Variants in RALGPS1 observed in about 807,000 individuals in gnomAD.
The protein encoded by RALGPS1 is Ral GEF with PH domain and SH3 binding motif 1, also known as ras-specific guanine nucleotide-releasing factor RalGPS1.
In RALGPS1, 19 loss-of-function variants were observed where a neutral mutation model predicts 78.8. The observed-to-expected ratio is 0.24, with a 90% CI of 0.17 to 0.35. The LOEUF (loss-of-function observed/expected upper bound fraction) is 0.35, where lower values mean the gene tolerates loss of function less well. Among genes scored for constraint, RALGPS1 ranks in the 10% least tolerant of loss-of-function variants. The pLI is 1.00. For missense variants in RALGPS1, 454 were observed against 688.3 expected, an observed-to-expected ratio of 0.66 and a Z score of 3.81; for synonymous variants, 228 against 256.3, an observed-to-expected ratio of 0.89 and a Z score of 1.06.
At chr9:127,081,875 A>C (rs2051208043) in intron 8 of RALGPS1, among the ~76,000 whole-genome samples, 1 of 152,252 alleles carries the variant, frequency 6.6e-6, no homozygotes, top group Admixed American at 6.5e-5. Flanking sequence ...CGCATGTGGC[A>C]GCGCTGTGGG....
chr9:127,023,929 C>G (rs541053222), intron 4 of RALGPS1, among the ~76,000 whole-genome samples: 1 of 150,256 alleles, frequency 6.7e-6, no homozygotes, highest in Non-Finnish European at 1.5e-5. Flanking sequence ...CCCAGCTACT[C>G]GGGAAGCTGA....
chr9:127,183,741 A>G lies in RALGPS1; in HGVS notation c.910+8959A>G. 1 of 804,840 alleles carries G rather than the reference A, an allele frequency of 1.2e-6. No individual in the cohort carries two copies. Among genetic ancestry groups the G allele is most frequent in the South Asian group, 1.8e-5 (1 of 55,302 alleles). 49.9% of individuals were successfully genotyped at this position (804,840 alleles called of 1,614,324 possible). A position where few individuals can be genotyped will look rare whatever the true frequency, so the allele number is the denominator to read the frequency against. ...TCCATGTGCTCCTCTCTCTGGAAAC[A>G]TACTCTCTCTGCCCGTTTATATTTT... On this transcript the variant is annotated intron_variant, in intron 11 of 18. Transcript: ENST00000259351. This position sits in a 1 kb window ranked among gnomAD's most constrained non-coding sequence, Gnocchi z 4.0.
intron 14 of RALGPS1, chr9:127,210,588 C>T (rs1371168976): frequency 9.8e-6 from 8 of 813,200 alleles, no homozygotes; most frequent in African/African-American, 5.1e-5. Context: ...GGTTGCTCTG[C>T]GGGACTTCCT....
chr9:127,112,978 G>A (rs1424805612), intron 8 of RALGPS1, among the ~76,000 whole-genome samples: 1 of 152,158 alleles, frequency 6.6e-6, no homozygotes, highest in Non-Finnish European at 1.5e-5. Context: ...AAGGTGTAGG[G>A]GTAGCTGACT....
At chr9:126,962,954 G>A (rs2039047821) in intron 2 of RALGPS1, among the ~76,000 whole-genome samples, 1 of 152,330 alleles carries the variant, frequency 6.6e-6, no homozygotes, top group South Asian at 2.1e-4. Context: ...GAGCCCACAA[G>A]GCCCTCCTCA....
intron 3 of RALGPS1, among the ~76,000 whole-genome samples, chr9:126,970,902 T>C (rs1338255583): frequency 1.3e-5 from 2 of 152,176 alleles, no homozygotes; most frequent in Non-Finnish European, 2.9e-5. Context: ...AACCTGTAAC[T>C]GTTTATTTTT....
At chr9:127,082,139 C>T (rs551667160) in intron 8 of RALGPS1, among the ~76,000 whole-genome samples, 93 of 152,308 alleles carry the variant, frequency 6.1e-4, no homozygotes, top group African/African-American at 2.1e-3. Flanking sequence ...ACTACTGGAA[C>T]CCAGTTACCA....
chr9:127,050,303 T>C (rs2048185470), intron 6 of RALGPS1, among the ~76,000 whole-genome samples, 171 bp downstream of exon 6: 1 of 152,206 alleles, frequency 6.6e-6, no homozygotes, highest in African/African-American at 2.4e-5. Flanking sequence ...CTGTTAGACC[T>C]GCCTGGGTGC....
chr9:127,100,180 AAATT>A (rs1325687127), intron 8 of RALGPS1, among the ~76,000 whole-genome samples: 4 of 152,228 alleles, frequency 2.6e-5, no homozygotes, highest in Non-Finnish European at 5.9e-5. Context: ...ATCCAACCAT[AAATT>A]AATTGAGTTA....
At chr9:127,196,323 A>G (rs1251763003) in intron 12 of RALGPS1, 151 bp from the exon 13 acceptor site, 2 of 798,866 alleles carry the variant, frequency 2.5e-6, no homozygotes, top group Non-Finnish European at 3.8e-6. Context: ...AGGTCATGGC[A>G]TGAGAGAGGA....
At chr9:127,040,068 G>C (rs2047161823) in intron 5 of RALGPS1, among the ~76,000 whole-genome samples, 1 of 152,156 alleles carries the variant, frequency 6.6e-6, no homozygotes, top group Non-Finnish European at 1.5e-5. Flanking sequence ...TTTTTTGGAA[G>C]GGTCAAGATG....
intron 8 of RALGPS1, among the ~76,000 whole-genome samples, chr9:127,163,055 G>A (rs56057522): frequency 6.6e-6 from 1 of 152,146 alleles, no homozygotes; most frequent in Non-Finnish European, 1.5e-5. Context: ...TACCCAGGGA[G>A]CAAGTTGCCT....
chr9:127,061,616 G>A (rs975751462), intron 7 of RALGPS1, among the ~76,000 whole-genome samples: 3 of 152,114 alleles, frequency 2.0e-5, no homozygotes, highest in Non-Finnish European at 2.9e-5. Flanking sequence ...CTCCAGGCCC[G>A]TGCTCATGCC....
chr9:127,096,743 A>T (rs2136632551), intron 8 of RALGPS1, among the ~76,000 whole-genome samples: 1 of 152,368 alleles, frequency 6.6e-6, no homozygotes, highest in East Asian at 1.9e-4. Context: ...ACAATTCTGT[A>T]TACAGTTTCA....
chr9:127,015,612 T>C (rs1216184315), intron 4 of RALGPS1, among the ~76,000 whole-genome samples: 1 of 149,246 alleles, frequency 6.7e-6, no homozygotes, highest in Non-Finnish European at 1.5e-5. Flanking sequence ...GCTACACGGT[T>C]TGGGTCTCAG....
chr9:126,958,708 AAT>A, intron 1 of RALGPS1, among the ~76,000 whole-genome samples: 1 of 152,334 alleles, frequency 6.6e-6, no homozygotes, highest in East Asian at 1.9e-4. Flanking sequence ...GGCTTTTATG[AAT>A]AATGGTGCTA....
At chr9:127,208,421 T>A (rs2062050794) in intron 14 of RALGPS1, among the ~76,000 whole-genome samples, 1 of 152,214 alleles carries the variant, frequency 6.6e-6, no homozygotes, top group Non-Finnish European at 1.5e-5. Flanking sequence ...AAAGGCTTTA[T>A]CTCACAGTGT....
At chr9:127,182,372 C>CCCTCCCTA (rs2060303637) in intron 11 of RALGPS1, among the ~76,000 whole-genome samples, 1 of 32,554 alleles carries the variant, frequency 3.1e-5, no homozygotes, top group Non-Finnish European at 7.0e-5. Context: ...CTTCCTTCCT[C>CCCTCCCTA]CCTCCCTCCC....
At position 127,091,832 on chromosome 9, in the gene RALGPS1, C is replaced by T. The variant is rs769982032; in HGVS notation, c.610+22476C>T. The stretch of plus-strand genomic sequence containing the variant: ...GCGTATTCTGCAAAGACTTTGCGGC[C>T]GGACCAGTCCTCCATGGTCACCAGG... On this transcript the variant is annotated intron_variant, in intron 8 of 18. Coordinates refer to ENST00000259351, the MANE Select transcript of RALGPS1 (RefSeq NM_014636.3). The surrounding 1 kb of genome is among the most constrained non-coding windows in gnomAD (Gnocchi z 4.3). The T allele has an allele frequency of 2.0e-5, 32 of 1,614,026 alleles. No homozygotes were observed. The highest frequency in any genetic ancestry group is 5.5e-5 in the South Asian group (5 of 91,080).
Sources: allele counts gnomAD v4.1 joint callset (sites outside exome capture counted in the v4.1 genomes callset), GRCh38; gene constraint gnomAD v4.1.1; non-coding constraint Gnocchi (gnomAD v3.1); transcripts MANE v1.5; gene names NCBI Gene and HGNC (gene_info 2026-07-23, HGNC 2026-07-21).